TASP1: variants seen among roughly 807,000 people sequenced by gnomAD.
The protein encoded by TASP1 is taspase 1.
In TASP1, 16 loss-of-function variants were observed where a neutral mutation model predicts 56.6. That is an observed-to-expected ratio of 0.28 (90% CI 0.19 to 0.43). The LOEUF (loss-of-function observed/expected upper bound fraction) is 0.43. Among genes scored for constraint, TASP1 ranks in the 20% least tolerant of loss-of-function variants. The probability of loss-of-function intolerance (pLI) is 1.00; values close to 1 mark genes in which losing one functional copy is unlikely to be tolerated. For synonymous variants in TASP1, 179 were observed against 184.2 expected (o/e 0.97, Z 0.23); for missense variants, 393 against 511.6 (o/e 0.77, Z 2.24).
chr20:13,361,283 C>T, the TASP1 span, among the ~76,000 whole-genome samples: 1 of 152,180 alleles, frequency 6.6e-6, no homozygotes, highest in East Asian at 1.9e-4. Context: ...AAGGCCACCG[C>T]AGTCATTTCT....
At chr20:13,529,210 T>C (rs1163707438) in intron 9 of TASP1, among the ~76,000 whole-genome samples, 1 of 152,210 alleles carries the variant, frequency 6.6e-6, no homozygotes, top group Non-Finnish European at 1.5e-5. Context: ...AGCAGATTTA[T>C]ACATCTGAAA....
the TASP1 span, among the ~76,000 whole-genome samples, chr20:13,109,063 C>T: frequency 5.3e-5 from 8 of 152,080 alleles, no homozygotes; most frequent in South Asian, 4.1e-4. Flanking sequence ...TCTTGCTAGG[C>T]TTAAATGTTA....
intron 10 of TASP1, among the ~76,000 whole-genome samples, chr20:13,521,128 A>G (rs1034797237): frequency 4.3e-4 from 65 of 152,212 alleles, no homozygotes; most frequent in African/African-American, 1.4e-3. Flanking sequence ...GAAACAACAG[A>G]TGCTGGAGAG....
the TASP1 span, among the ~76,000 whole-genome samples, chr20:13,233,320 G>A: frequency 1.3e-5 from 2 of 152,138 alleles, no homozygotes; most frequent in Non-Finnish European, 2.9e-5. Flanking sequence ...ATCCTGCCGG[G>A]CGCGGTGGCT....
chr20:13,558,084 T>C (rs1377913712), intron 8 of TASP1, among the ~76,000 whole-genome samples: 1 of 151,884 alleles, frequency 6.6e-6, no homozygotes, highest in East Asian at 1.9e-4. Context: ...ACCAAGAAAA[T>C]ATCTATCACT....
intron 11 of TASP1, among the ~76,000 whole-genome samples, chr20:13,465,564 TA>T (rs2044224024): frequency 6.6e-6 from 1 of 151,806 alleles, no homozygotes; most frequent in Non-Finnish European, 1.5e-5. Flanking sequence ...TTTATAATAC[TA>T]AAAAAATAGA....
chr20:13,438,685 C>G (rs2043103426), intron 11 of TASP1, among the ~76,000 whole-genome samples: 4 of 152,150 alleles, frequency 2.6e-5, no homozygotes, highest in Admixed American at 2.6e-4. Context: ...AGCTTCTGCA[C>G]AGCAAAAGAA....
chr20:13,579,656 C>A (rs1364059386), intron 6 of TASP1, among the ~76,000 whole-genome samples: 1 of 152,134 alleles, frequency 6.6e-6, no homozygotes, highest in Admixed American at 6.5e-5. Context: ...CGGCTTTTCT[C>A]ACTTTCAGAG....
intron 10 of TASP1, among the ~76,000 whole-genome samples, chr20:13,518,756 T>C (rs2044628537): frequency 6.6e-6 from 1 of 151,606 alleles, no homozygotes; most frequent in Non-Finnish European, 1.5e-5. Flanking sequence ...TAGAGCAGGG[T>C]AGAAAATAAA....
chr20:13,609,924 A>G (rs1463134330), intron 4 of TASP1, among the ~76,000 whole-genome samples: 6 of 152,236 alleles, frequency 3.9e-5, no homozygotes, highest in African/African-American at 1.4e-4. Flanking sequence ...AATGTTGAAT[A>G]CTGCTCCTCC....
At chr20:13,434,901 C>A (rs1429098499) in intron 12 of TASP1, 143 bp downstream of exon 12, 2 of 527,374 alleles carry the variant, frequency 3.8e-6, no homozygotes, top group Non-Finnish European at 6.8e-6. Context: ...GGAAAAAGAT[C>A]AGTAGAACAG....
chr20:13,123,511 C>G, the TASP1 span, among the ~76,000 whole-genome samples: 1 of 152,028 alleles, frequency 6.6e-6, no homozygotes, highest in Non-Finnish European at 1.5e-5. Flanking sequence ...AGTAACTGGC[C>G]CATGGTCACA....
the TASP1 span, among the ~76,000 whole-genome samples, chr20:13,251,231 C>T: frequency 2.0e-5 from 3 of 152,178 alleles, no homozygotes; most frequent in East Asian, 1.9e-4. Flanking sequence ...TTTCACTTCC[C>T]GCTCCCTGCT....
the TASP1 span, among the ~76,000 whole-genome samples, chr20:13,244,566 T>C: frequency 1.3e-5 from 2 of 152,178 alleles, no homozygotes; most frequent in African/African-American, 4.8e-5. Context: ...TATAAAAACA[T>C]ATTAAAGATA....
At chr20:13,481,128 T>C (rs1030247885) in intron 11 of TASP1, among the ~76,000 whole-genome samples, 1 of 152,112 alleles carries the variant, frequency 6.6e-6, no homozygotes, top group African/African-American at 2.4e-5. Context: ...ATGAGTTCAA[T>C]TGTTTTGATT....
chr20:13,219,444 T>TC, the TASP1 span, among the ~76,000 whole-genome samples: 1 of 151,270 alleles, frequency 6.6e-6, no homozygotes, highest in East Asian at 1.9e-4. Flanking sequence ...GTTTCGCGTT[T>TC]CCCCCCACTC....
rs550325254 is a variant in TASP1 at position 13,484,646 on chromosome 20, G to T, written c.875-1309C>A. Reference sequence around the variant, plus strand: ...AGCTACTTGGGAGGGAGAGGCAAGAGAATCATTTGAACCTGGTAGGCGGAG... The same window carrying T: ...AGCTACTTGGGAGGGAGAGGCAAGATAATCATTTGAACCTGGTAGGCGGAG... On this transcript the variant is annotated intron_variant, in intron 10 of 13. Coordinates refer to ENST00000337743, the MANE Select transcript of TASP1 (RefSeq NM_017714.3). Among the ~76,000 whole-genome samples, 3 of 148,238 alleles carry T rather than the reference G, an allele frequency of 2.0e-5. No homozygotes were observed. The Middle Eastern group carries it at 0.011, about 529-fold the overall frequency.
At chr20:13,572,969 T>C (rs777970584) in intron 6 of TASP1, among the ~76,000 whole-genome samples, 9 of 152,128 alleles carry the variant, frequency 5.9e-5, no homozygotes, top group Non-Finnish European at 1.2e-4. Context: ...AAGAGAAAGA[T>C]ATGGGAGAAC....
downstream of TASP1, among the ~76,000 whole-genome samples, chr20:13,389,177 T>C (rs2041191111): frequency 6.6e-6 from 1 of 152,258 alleles, no homozygotes; most frequent in African/African-American, 2.4e-5. Context: ...AGTGTTCTTA[T>C]TCTTTCTCTT....
Sources: gnomAD v4.1 joint callset for allele counts (sites outside exome capture counted in the v4.1 genomes callset) on GRCh38, gnomAD v4.1.1 for gene constraint, MANE v1.5 for transcripts, NCBI Gene and HGNC (gene_info 2026-07-23, HGNC 2026-07-21) for gene names.